Variants in RIMS2 observed in about 807,000 individuals in gnomAD.
RIMS2 encodes regulating synaptic membrane exocytosis 2, also known as regulating synaptic membrane exocytosis protein 2.
A neutral mutation model predicts 174.4 loss-of-function variants in RIMS2; 59 were observed. The ratio of observed to expected loss-of-function variants is 0.34; its 90% CI spans 0.27 to 0.42. The LOEUF (loss-of-function observed/expected upper bound fraction) is 0.42, where lower values mean the gene tolerates loss of function less well. Ranked by LOEUF, RIMS2 falls within the 10% of genes least tolerant of loss-of-function variation. RIMS2 has a pLI of 1.00. For synonymous variants in RIMS2, 606 were observed against 572.5 expected, an observed-to-expected ratio of 1.06 and a Z score of -0.84; for missense variants, 1,620 against 1,666.3, an observed-to-expected ratio of 0.97 and a Z score of 0.48.
intron 9 of RIMS2, among the ~76,000 whole-genome samples, chr8:103,919,239 A>C (rs1181607798): frequency 6.6e-6 from 1 of 152,132 alleles, no homozygotes; most frequent in Non-Finnish European, 1.5e-5. Context: ...AAACATTTGG[A>C]GTGGCTGCCT....
At chr8:104,002,691 G>C (rs1432095614) in intron 17 of RIMS2, among the ~76,000 whole-genome samples, 3 of 152,130 alleles carry the variant, frequency 2.0e-5, no homozygotes, top group African/African-American at 4.8e-5. Context: ...AAATGAATGG[G>C]ATGAAGGTAG....
chr8:103,904,165 T>C (rs1346183447), intron 4 of RIMS2, among the ~76,000 whole-genome samples: 1 of 152,114 alleles, frequency 6.6e-6, no homozygotes, highest in Non-Finnish European at 1.5e-5. Flanking sequence ...ATTTTTATCA[T>C]TTAGAGAATG....
chr8:104,213,416 A>C (rs2099114229), intron 19 of RIMS2, among the ~76,000 whole-genome samples: 1 of 152,186 alleles, frequency 6.6e-6, no homozygotes, highest in Admixed American at 6.5e-5. Flanking sequence ...CTTAACAATA[A>C]TTATGAGTTA....
At chr8:103,767,306 G>A (rs993735113) in intron 3 of RIMS2, among the ~76,000 whole-genome samples, 1 of 151,572 alleles carries the variant, frequency 6.6e-6, no homozygotes, top group African/African-American at 2.4e-5. Context: ...CCCTGCCTCA[G>A]CCTCCCGAGT....
chr8:103,572,231 A>C (rs2092873095), intron 1 of RIMS2, among the ~76,000 whole-genome samples: 1 of 152,200 alleles, frequency 6.6e-6, no homozygotes, highest in Admixed American at 6.5e-5. Flanking sequence ...GAGCAGCAGT[A>C]AGATTTATTG....
intron 2 of RIMS2, among the ~76,000 whole-genome samples, chr8:103,757,415 T>C (rs1222379607): frequency 6.6e-6 from 1 of 152,206 alleles, no homozygotes; most frequent in Non-Finnish European, 1.5e-5. Context: ...TGGTTTAATC[T>C]CCCCTTTGTC....
chr8:103,795,104 T>C (rs2098538919), intron 3 of RIMS2, among the ~76,000 whole-genome samples: 1 of 152,216 alleles, frequency 6.6e-6, no homozygotes, highest in African/African-American at 2.4e-5. Context: ...CAAAGGATTA[T>C]AAATCATGCT....
chr8:103,786,698 G>C (rs1486511123), intron 3 of RIMS2, among the ~76,000 whole-genome samples: 2 of 152,156 alleles, frequency 1.3e-5, no homozygotes, highest in Non-Finnish European at 2.9e-5. Context: ...CAAGTATGTT[G>C]TCAGTTTTGG....
intron 3 of RIMS2, 81 bp downstream of exon 6, chr8:103,766,618 T>G (rs988980959): frequency 2.2e-6 from 2 of 926,270 alleles, no homozygotes; most frequent in Admixed American, 2.7e-5. Context: ...CATGAAATGT[T>G]TAGGCAATGG....
chr8:103,623,645 C>A (rs559740694), intron 1 of RIMS2, among the ~76,000 whole-genome samples: 1 of 147,116 alleles, frequency 6.8e-6, no homozygotes, highest in Admixed American at 6.7e-5. Flanking sequence ...CCACCACGCC[C>A]GGCTAATTTT....
intron 3 of RIMS2, among the ~76,000 whole-genome samples, chr8:103,836,215 T>C (rs1402943637): frequency 6.6e-6 from 1 of 152,202 alleles, no homozygotes; most frequent in Non-Finnish European, 1.5e-5. Flanking sequence ...AAGTGTGTGC[T>C]GAAGAATTTT....
chr8:103,980,168 G>C (rs1418714963), intron 16 of RIMS2, among the ~76,000 whole-genome samples: 1 of 152,114 alleles, frequency 6.6e-6, no homozygotes, highest in African/African-American at 2.4e-5. Flanking sequence ...AGCAATTAAA[G>C]TGTCTCTTTC....
intron 14 of RIMS2, among the ~76,000 whole-genome samples, chr8:103,958,404 A>G (rs56238414): frequency 0.13 from 19,302 of 152,142 alleles, 1,697 homozygotes; most frequent in Non-Finnish European, 0.19. Flanking sequence ...GGTCTACTTG[A>G]GGGTGGAGGG....
intron 1 of RIMS2, among the ~76,000 whole-genome samples, chr8:103,691,696 T>C (rs1263585040): frequency 6.6e-6 from 1 of 152,216 alleles, no homozygotes; most frequent in Non-Finnish European, 1.5e-5. Flanking sequence ...AGTGCCTTAC[T>C]TAGTTTGTTT....
chr8:103,544,667 T>C, intron 1 of RIMS2, among the ~76,000 whole-genome samples: 1 of 152,138 alleles, frequency 6.6e-6, no homozygotes, highest in Non-Finnish European at 1.5e-5. Context: ...CAGATTAGGG[T>C]TAAGGTGGCA....
In RIMS2 at chr8:103,730,516, T is replaced by C. The variant is rs1168628916; in HGVS notation, c.387+33220T>C. On this transcript the variant is annotated intron_variant, in intron 2 of 23. Transcript: ENST00000504942. The stretch of plus-strand genomic sequence containing the variant: ...CCCACTTTTTAACTTTTGTTGTTTC[T>C]ATTTATATCTTATTATACTGTCTTT... 2.0e-5 allele frequency among the ~76,000 whole-genome samples: 3 copies of C among 152,358 alleles called. No individual in the cohort carries two copies. In the East Asian group the frequency reaches 5.8e-4, roughly 29 times the overall value.
At chr8:103,988,841 A>G (rs1373805647) in intron 16 of RIMS2, among the ~76,000 whole-genome samples, 1 of 152,096 alleles carries the variant, frequency 6.6e-6, no homozygotes, top group African/African-American at 2.4e-5. Context: ...AAAGTGTGCA[A>G]ATTTTGACTT....
intron 19 of RIMS2, among the ~76,000 whole-genome samples, chr8:104,242,431 C>T (rs915385102): frequency 1.3e-5 from 2 of 152,148 alleles, no homozygotes; most frequent in Admixed American, 1.3e-4. Flanking sequence ...CCTAAAATTA[C>T]TTTTATACTG....
chr8:103,732,100 G>A (rs778380778), intron 2 of RIMS2, among the ~76,000 whole-genome samples: 16 of 152,144 alleles, frequency 1.1e-4, no homozygotes, highest in Non-Finnish European at 2.2e-4. Context: ...TGTATTCAAA[G>A]GGTCTTGGGT....
Sources: allele counts gnomAD v4.1 joint callset (sites outside exome capture counted in the v4.1 genomes callset), GRCh38; gene constraint gnomAD v4.1.1; transcripts MANE v1.5; gene names NCBI Gene and HGNC (gene_info 2026-07-23, HGNC 2026-07-21).